Variants in XIRP2 observed in about 807,000 individuals in gnomAD.
XIRP2 encodes the protein xin actin-binding repeat-containing protein 2.
In XIRP2, 236 loss-of-function variants were observed where a neutral mutation model predicts 277.0. The ratio of observed to expected loss-of-function variants is 0.85; its 90% CI spans 0.77 to 0.95. The LOEUF (loss-of-function observed/expected upper bound fraction) is 0.95, where lower values mean the gene tolerates loss of function less well. Among genes scored for constraint, XIRP2 ranks in the 40% least tolerant of loss-of-function variants. The probability of loss-of-function intolerance (pLI) is 0.00; values close to 1 mark genes in which losing one functional copy is unlikely to be tolerated. For missense variants in XIRP2, 4,640 were observed against 4,157.5 expected, an observed-to-expected ratio of 1.12 and a Z score of -3.19; for synonymous variants, 1,490 against 1,416.5, an observed-to-expected ratio of 1.05 and a Z score of -1.17.
chr2:167,248,919 AC>A lies in XIRP2; in HGVS notation c.7530del (p.Arg2511GlyfsTer9), dbSNP rs767259441. ...LSHTVPGTSA[P>X]RKKQIAPLIK... ...CACACACAGTTCCAGGAACTTCAGC[AC>A]CCAGGAAAAAACAGATTGCGCCTCT... On this transcript the variant is annotated frameshift_variant, in exon 9 of 11. Coordinates refer to ENST00000409195, the MANE Select transcript of XIRP2 (RefSeq NM_152381.6). LOFTEE classifies it high-confidence loss of function. The A allele has an allele frequency of 1.2e-6, 2 of 1,613,792 alleles. No individual in the cohort carries two copies. Among genetic ancestry groups the A allele is most frequent in the South Asian group, 2.2e-5 (2 of 91,074 alleles).
At chr2:167,165,874 T>A (rs185443991) in intron 3 of XIRP2, among the ~76,000 whole-genome samples, 65 of 152,350 alleles carry the variant, frequency 4.3e-4, no homozygotes, top group Admixed American at 9.8e-4. Context: ...CTCTCATGGA[T>A]TATGTTATTG....
intron 2 of XIRP2, among the ~76,000 whole-genome samples, chr2:167,078,768 T>G (rs1213434785): frequency 1.3e-5 from 2 of 150,260 alleles, no homozygotes; most frequent in Non-Finnish European, 2.9e-5. Flanking sequence ...ACCCTGGAGG[T>G]TGGAGCTTGC....
intron 5 of XIRP2, among the ~76,000 whole-genome samples, chr2:167,237,411 G>A (rs1481766430): frequency 6.6e-6 from 1 of 151,848 alleles, no homozygotes; most frequent in Non-Finnish European, 1.5e-5. Flanking sequence ...AAATTTCCAT[G>A]GGTACCAGAC....
In XIRP2 at chr2:167,252,700, CCTACTT is replaced by C. The variant is rs1695551094; in HGVS notation, c.10555+756_10555+761del. On this transcript the variant is annotated intron_variant, in intron 9 of 10. Coordinates refer to ENST00000409195, the MANE Select transcript of XIRP2 (RefSeq NM_152381.6). ...TTAACATCAAAGAACAGCTCATTTC[CCTACTT>C]CTTGCAATTAATGAGGCTTCATGAT... 4.0e-5 allele frequency among the ~76,000 whole-genome samples: 6 copies of C among 151,758 alleles called. No individual in the cohort carries two copies. In the South Asian group the frequency reaches 1.2e-3, roughly 32 times the overall value.
chr2:166,911,214 T>A (rs377098099), intron 2 of XIRP2, among the ~76,000 whole-genome samples: 1 of 152,084 alleles, frequency 6.6e-6, no homozygotes, highest in African/African-American at 2.4e-5. Context: ...ACAGTGGGGT[T>A]TTAAAGTCTC....
intron 2 of XIRP2, among the ~76,000 whole-genome samples, chr2:167,089,406 T>C (rs997152956): frequency 2.6e-5 from 4 of 152,166 alleles, no homozygotes; most frequent in African/African-American, 7.2e-5. Flanking sequence ...TCACAACTGA[T>C]ACAATCATAT....
chr2:167,091,965 G>C (rs1690161289), intron 2 of XIRP2, among the ~76,000 whole-genome samples: 1 of 152,100 alleles, frequency 6.6e-6, no homozygotes, highest in Non-Finnish European at 1.5e-5. Flanking sequence ...CAGCGAACTT[G>C]AGGATAAAAG....
At chr2:167,206,797 T>G (rs1693868385) in intron 3 of XIRP2, among the ~76,000 whole-genome samples, 1 of 152,236 alleles carries the variant, frequency 6.6e-6, no homozygotes, top group African/African-American at 2.4e-5. Context: ...TCCATAAGAC[T>G]GTCCGCAACT....
rs16853305 is a variant in XIRP2, at chr2:167,243,265, C to G, written c.1873C>G (p.Pro625Ala). The G allele has an allele frequency of 0.14, 218,821 of 1,613,700 alleles. 17,788 individuals carry two copies. Among genetic ancestry groups the G allele is most frequent in the African/African-American group, 0.35 (26,079 of 74,856 alleles). ...KYTTWMFETQ[P>A]IDTLGAYSSD... ...TACCACATGGATGTTTGAAACCCAA[C>G]CCATCGACACACTTGGGGCTTATTC... Residue 625 changes from proline (P) to alanine (A), a missense_variant, in exon 9 of 11, where the codon CCC (proline) becomes GCC (alanine). By Grantham distance (27) the Pro-to-Ala change is conservative. Transcript: ENST00000409195.
rs915873493 is a variant in XIRP2 at position 167,211,173 on chromosome 2, C to T, written c.723+278C>T. ...AGGCTGGAGTGCAATGGCACGATCT[C>T]GGCACCCTCCACCTCCTGGGTTCAA... On this transcript the variant is annotated intron_variant, in intron 4 of 10. Coordinates refer to ENST00000409195, the MANE Select transcript of XIRP2 (RefSeq NM_152381.6). Among the ~76,000 whole-genome samples the T allele has an allele frequency of 6.6e-5, 10 of 152,064 alleles. 1 individual carries two copies. Among genetic ancestry groups the T allele is most frequent in the South Asian group, 6.2e-4 (3 of 4,834 alleles).
At chr2:167,094,246 A>G (rs980004828) in intron 2 of XIRP2, among the ~76,000 whole-genome samples, 1 of 151,754 alleles carries the variant, frequency 6.6e-6, no homozygotes, top group Non-Finnish European at 1.5e-5. Flanking sequence ...GATTGCAAAA[A>G]TTTTCTCCCA....
intron 2 of XIRP2, among the ~76,000 whole-genome samples, chr2:166,981,782 G>A (rs1686876570): frequency 6.6e-6 from 1 of 152,108 alleles, no homozygotes; most frequent in Non-Finnish European, 1.5e-5. Context: ...TTAAAGTGAG[G>A]ACATATACGA....
At chr2:167,155,723 CAT>C (rs1382319420) in intron 3 of XIRP2, among the ~76,000 whole-genome samples, 1 of 151,766 alleles carries the variant, frequency 6.6e-6, no homozygotes, top group Non-Finnish European at 1.5e-5. Flanking sequence ...TCCTATTCAA[CAT>C]AGTGTTGGAA....
At chr2:167,010,427 A>T (rs879072125) in intron 2 of XIRP2, among the ~76,000 whole-genome samples, 1 of 151,806 alleles carries the variant, frequency 6.6e-6, no homozygotes, top group East Asian at 1.9e-4. Context: ...CCATTGATCT[A>T]TATCTCTGTT....
intron 3 of XIRP2, among the ~76,000 whole-genome samples, chr2:167,201,178 A>AAG (rs1179558333): frequency 1.6e-5 from 2 of 128,262 alleles, no homozygotes; most frequent in East Asian, 2.4e-4. Context: ...GAGAGAAAGA[A>AAG]AGAGAGAGAG....
chr2:167,117,181 C>A (rs555590596), intron 2 of XIRP2, among the ~76,000 whole-genome samples: 1 of 151,948 alleles, frequency 6.6e-6, no homozygotes, highest in Non-Finnish European at 1.5e-5. Context: ...TGGCAGATAA[C>A]TAAATGCTTT....
Position 167,245,310 on chromosome 2 carries a change from G to A in XIRP2, c.3918G>A (p.Gln1306=), listed in dbSNP as rs577878226. 3.4e-5 allele frequency: 55 copies of A among 1,613,502 alleles called. No homozygotes were observed. Among genetic ancestry groups the A allele is most frequent in the East Asian group, 6.7e-5 (3 of 44,842 alleles). Residue 1306 remains glutamine (Q), a synonymous_variant, in exon 9 of 11, where the codon CAG becomes CAA. Transcript: ENST00000409195. ...AAACAATTACTGAAGAAGTAATACA[G>A]GGTGATGTAAAAAGCTACAGAATGC... The part of the protein sequence containing the change: ...TKKTITEEVI[Q]GDVKSYRMLF...
At chr2:167,020,795 AT>A (rs1687961876) in intron 2 of XIRP2, among the ~76,000 whole-genome samples, 1 of 152,034 alleles carries the variant, frequency 6.6e-6, no homozygotes, top group African/African-American at 2.4e-5. Flanking sequence ...TATTTGTTAC[AT>A]CCCCATCTGA....
intron 2 of XIRP2, among the ~76,000 whole-genome samples, chr2:167,010,454 GCTGTTTTGGTTA>G (rs1211203654): frequency 5.9e-5 from 9 of 152,018 alleles, no homozygotes; most frequent in Non-Finnish European, 1.2e-4. Flanking sequence ...CCAGTACCAT[GCTGTTTTGGTTA>G]CTGTAGCCTT....
Sources: allele counts gnomAD v4.1 joint callset (sites outside exome capture counted in the v4.1 genomes callset), GRCh38; gene constraint gnomAD v4.1.1; transcripts MANE v1.5; gene names NCBI Gene and HGNC (gene_info 2026-07-23, HGNC 2026-07-21).